AEBP2: variants seen among roughly 807,000 people sequenced by gnomAD.
AEBP2 encodes the protein zinc finger protein AEBP2.
A neutral mutation model predicts 50.8 loss-of-function variants in AEBP2; 10 were observed. That is an observed-to-expected ratio of 0.20 (90% CI 0.12 to 0.33). The LOEUF (loss-of-function observed/expected upper bound fraction) is 0.33. AEBP2 is among the 10% of genes least tolerant of loss of function. The probability of loss-of-function intolerance (pLI) is 1.00; values close to 1 mark genes in which losing one functional copy is unlikely to be tolerated. For synonymous variants in AEBP2, 296 were observed against 261.3 expected, an observed-to-expected ratio of 1.13 and a Z score of -1.28; for missense variants, 570 against 688.0, an observed-to-expected ratio of 0.83 and a Z score of 1.92.
rs912099506 is a variant in AEBP2, at chr12:19,457,129, T to C, written c.672-5381T>C. 2.2e-5 allele frequency: 35 copies of C among 1,598,862 alleles called. No individual in the cohort carries two copies. The African/African-American group carries it at 4.5e-4, about 21-fold the overall frequency. On this transcript the variant is annotated intron_variant, in intron 1 of 7. Coordinates refer to ENST00000266508, the MANE Select transcript of AEBP2 (RefSeq NM_153207.5). ...TTAAGTGTTGACTTCCTTAACAATT[T>C]CCTCATATCTCTTCTGGCTGTAGGG... is the stretch of plus-strand genomic sequence containing the variant.
intron 5 of AEBP2, among the ~76,000 whole-genome samples, chr12:19,510,290 A>C (rs1279848540): frequency 6.6e-6 from 1 of 152,170 alleles, no homozygotes; most frequent in Non-Finnish European, 1.5e-5. Flanking sequence ...AATACATGCT[A>C]ATGTAGAGTA....
chr12:19,516,619 C>T (rs1592789165), intron 7 of AEBP2, among the ~76,000 whole-genome samples: 3 of 152,270 alleles, frequency 2.0e-5, no homozygotes, highest in Middle Eastern at 6.8e-3. Context: ...GTTGCATATA[C>T]TCAAATTTAT....
At chr12:19,443,386 C>T (rs1209766091) in intron 1 of AEBP2, among the ~76,000 whole-genome samples, 2 of 151,734 alleles carry the variant, frequency 1.3e-5, no homozygotes, top group African/African-American at 4.8e-5. Flanking sequence ...AGTGAGCCGC[C>T]ACCGCAGGCC....
At chr12:19,438,000 C>G (rs929502535), upstream of AEBP2, among the ~76,000 whole-genome samples, 19 of 152,276 alleles carry the variant, frequency 1.2e-4, no homozygotes, top group African/African-American at 4.3e-4. Context: ...GTCCTTGGGT[C>G]AGGGTGTAAT....
At chr12:19,452,316 T>C (rs1948177495) in intron 1 of AEBP2, among the ~76,000 whole-genome samples, 5 of 150,724 alleles carry the variant, frequency 3.3e-5, no homozygotes, top group South Asian at 4.3e-4. Flanking sequence ...TTTAAAAAAA[T>C]ACGATCTCAC....
intron 1 of AEBP2, among the ~76,000 whole-genome samples, chr12:19,407,452 C>G (rs879816759): frequency 6.6e-6 from 1 of 152,022 alleles, no homozygotes; most frequent in Admixed American, 6.6e-5. Context: ...TACAGGCGCA[C>G]GCCACCATGC....
intron 1 of AEBP2, among the ~76,000 whole-genome samples, chr12:19,429,219 C>T (rs1392982146): frequency 2.0e-5 from 3 of 152,136 alleles, no homozygotes; most frequent in South Asian, 2.1e-4. Context: ...TGAGTGAGAA[C>T]ATGCGGTGTT....
At chr12:19,478,569 C>T (rs944744110) in intron 3 of AEBP2, among the ~76,000 whole-genome samples, 7 of 152,170 alleles carry the variant, frequency 4.6e-5, no homozygotes, top group Non-Finnish European at 5.9e-5. Context: ...GAATTATAGA[C>T]GTCAACCACC....
chr12:19,506,007 T>C (rs1423749329), intron 5 of AEBP2, among the ~76,000 whole-genome samples: 1 of 151,724 alleles, frequency 6.6e-6, no homozygotes, highest in African/African-American at 2.4e-5. Flanking sequence ...CCCAGGCTGA[T>C]CTCAAACTCC....
In AEBP2 at chr12:19,439,576, C is replaced by T. The variant is rs1947901873; in HGVS notation, c.-124C>T. 4.6e-6 allele frequency: 6 copies of T among 1,290,858 alleles called. No individual in the cohort carries two copies. 80.0% of individuals were successfully genotyped at this position (1,290,858 alleles called of 1,614,324 possible). ...GTGCAGGCTGACGCAGCTCGCGGGC[C>T]CTCCTCCTGCTCTGCAGCGGCGTCG... On this transcript the variant is annotated 5_prime_UTR_variant, in exon 1 of 8. Transcript: ENST00000266508.
chr12:19,440,532 C>A, intron 1 of AEBP2, 162 bp downstream of exon 1: 1 of 1,378,982 alleles, frequency 7.3e-7, no homozygotes, highest in Non-Finnish European at 9.4e-7. Flanking sequence ...CGCCGCCGCG[C>A]CCCTCTCGCA....
intron 1 of AEBP2, among the ~76,000 whole-genome samples, chr12:19,453,351 C>T (rs941842804): frequency 1.3e-5 from 2 of 151,916 alleles, no homozygotes; most frequent in African/African-American, 4.8e-5. Flanking sequence ...CTCTTGGCCT[C>T]AAGCAGTCCT....
At position 19,470,829 on chromosome 12, in the gene AEBP2, C is replaced by CG. The variant is rs562041822; in HGVS notation, c.880-2412dup. Among the ~76,000 whole-genome samples, 216 of 152,076 alleles carry CG rather than the reference C, an allele frequency of 1.4e-3. 1 individual carries two copies. The highest frequency in any genetic ancestry group is 8.1e-3 in the South Asian group (39 of 4,820). On this transcript the variant is annotated intron_variant, in intron 2 of 7. Coordinates refer to ENST00000266508, the MANE Select transcript of AEBP2 (RefSeq NM_153207.5). ...TCTTTAAGAGTATTTCAGAGTAGGG[C>CG]GGGGGGGTCACTTAAGAATCCTTTT...
intron 5 of AEBP2, among the ~76,000 whole-genome samples, chr12:19,510,407 A>G (rs576751027): frequency 2.0e-5 from 3 of 152,278 alleles, no homozygotes; most frequent in South Asian, 4.1e-4. Flanking sequence ...CCTATGTATA[A>G]TTGTGTATGC....
At chr12:19,405,176 G>A (rs963967874) in intron 1 of AEBP2, among the ~76,000 whole-genome samples, 1 of 151,712 alleles carries the variant, frequency 6.6e-6, no homozygotes, top group African/African-American at 2.4e-5. Context: ...TGATCTGTCC[G>A]ACTCGTCCTC....
At chr12:19,515,836 A>C (rs1949309265) in intron 7 of AEBP2, among the ~76,000 whole-genome samples, 1 of 152,148 alleles carries the variant, frequency 6.6e-6, no homozygotes, top group Non-Finnish European at 1.5e-5. Context: ...CCAGTGGCTC[A>C]TGCCTATCAT....
At chr12:19,411,522 T>A (rs955931101) in intron 1 of AEBP2, among the ~76,000 whole-genome samples, 1 of 151,748 alleles carries the variant, frequency 6.6e-6, no homozygotes, top group Non-Finnish European at 1.5e-5. Context: ...CCTTTTTGCA[T>A]CTCTAAAAGG....
At chr12:19,486,000 G>C (rs1408198364) in intron 3 of AEBP2, among the ~76,000 whole-genome samples, 5 of 131,924 alleles carry the variant, frequency 3.8e-5, no homozygotes. Context: ...ATAATGTATA[G>C]TTGTGTCTAA....
At chr12:19,503,570 C>T (rs1220131660) in intron 5 of AEBP2, among the ~76,000 whole-genome samples, 1 of 151,898 alleles carries the variant, frequency 6.6e-6, no homozygotes, top group Non-Finnish European at 1.5e-5. Context: ...AATTCGATTT[C>T]CTCTTTTCCT....
Sources: allele counts gnomAD v4.1 joint callset (sites outside exome capture counted in the v4.1 genomes callset), GRCh38; gene constraint gnomAD v4.1.1; transcripts MANE v1.5; gene names NCBI Gene and HGNC (gene_info 2026-07-23, HGNC 2026-07-21).